The following YJU2 variants were observed in gnomAD, a reference collection of about 807,000 sequenced individuals.
YJU2 encodes YJU2 splicing factor homolog.
In YJU2, 28 loss-of-function variants were observed where a neutral mutation model predicts 39.6. The ratio of observed to expected loss-of-function variants is 0.71; its 90% CI spans 0.52 to 0.97. The LOEUF is 0.97. Among genes scored for constraint, YJU2 ranks in the 50% least tolerant of loss-of-function variants. The probability of loss-of-function intolerance (pLI) is 0.00; values close to 1 mark genes in which losing one functional copy is unlikely to be tolerated. For synonymous variants in YJU2, 184 were observed against 182.4 expected (o/e 1.01, Z -0.07); for missense variants, 328 against 430.4 (o/e 0.76, Z 2.11).
intron 6 of YJU2, among the ~76,000 whole-genome samples, chr19:4,266,035 C>T (rs1290486506): frequency 6.7e-6 from 1 of 150,326 alleles, no homozygotes; most frequent in Non-Finnish European, 1.5e-5. Context: ...CTCACTGCAA[C>T]CTCTGCCTCC....
intron 1 of YJU2, among the ~76,000 whole-genome samples, chr19:4,247,639 GT>G (rs1568359636): frequency 0.049 from 3,280 of 66,668 alleles, 663 homozygotes; most frequent in African/African-American, 0.069. Context: ...GTGTGTGTGT[GT>G]GTGTGTGTGT....
chr19:4,249,081 TGAGTCCTGC>T (rs1970954312), intron 1 of YJU2, 138 bp from the exon 2 acceptor site: 1 of 609,294 alleles, frequency 1.6e-6, no homozygotes, highest in Admixed American at 2.8e-5. Flanking sequence ...CTGACTGTAC[TGAGTCCTGC>T]GAGTCCTCCC....
Position 4,251,032 on chromosome 19 carries a change from A to G in YJU2, c.131A>G (p.Lys44Arg). 3 of 1,614,134 alleles carry G rather than the reference A, an allele frequency of 1.9e-6. No homozygotes were observed. The highest frequency in any genetic ancestry group is 2.5e-6 in the Non-Finnish European group (3 of 1,179,996). The change falls in exon 3 of 8, where the codon AAG (lysine) becomes AGG (arginine). Residue 44 changes from lysine to arginine, a missense_variant. Transcript: ENST00000262962. ...CCCTACATGCTGCCCCGCAGGTGTA[A>G]GACGTGCGGAGAATACATCTACAAG... ...RLMAPFNMRC[K>R]TCGEYIYKGK...
intron 3 of YJU2, 106 bp downstream of exon 3, chr19:4,251,277 A>AT: frequency 9.8e-7 from 1 of 1,023,484 alleles, no homozygotes; most frequent in African/African-American, 1.6e-5. Flanking sequence ...AGGGAATCTC[A>AT]TTTCAGTTTA....
chr19:4,259,135 G>T (rs1458261525), intron 5 of YJU2, among the ~76,000 whole-genome samples: 9 of 139,890 alleles, frequency 6.4e-5, no homozygotes, highest in Non-Finnish European at 9.3e-5. Context: ...CAGGCTGGAG[G>T]GCAGTGGCGC....
intron 1 of YJU2, 75 bp downstream of exon 1, chr19:4,247,245 G>A (rs1006551045): frequency 7.4e-7 from 1 of 1,350,450 alleles, no homozygotes; most frequent in Non-Finnish European, 1.0e-6. Context: ...GGAGCTTCCT[G>A]AGATCTCTTC....
chr19:4,253,275 A>C (rs1430108024), intron 3 of YJU2, among the ~76,000 whole-genome samples: 1 of 151,510 alleles, frequency 6.6e-6, no homozygotes, highest in East Asian at 2.0e-4. Flanking sequence ...GTGGAATGTT[A>C]CCATTAACAT....
chr19:4,268,621 C>A lies in YJU2; in HGVS notation c.897C>A (p.Pro299=). The change falls in exon 8 of 8, where the codon CCC becomes CCA. Residue 299 remains proline, a synonymous_variant. Coordinates refer to ENST00000262962, the MANE Select transcript of YJU2 (RefSeq NM_018074.6). Reference sequence around the variant, plus strand: ...ACAGGAAGGAGGCCAACCCTACACCCCTGACGCCTGGCGCGTCCTCCCTGA... The same window carrying A: ...ACAGGAAGGAGGCCAACCCTACACCACTGACGCCTGGCGCGTCCTCCCTGA... ...PQNRKEANPT[P]LTPGASSLSQ... The A allele has an allele frequency of 3.1e-6, 5 of 1,613,622 alleles. No individual in the cohort carries two copies. Among genetic ancestry groups the A allele is most frequent in the Non-Finnish European group, 4.2e-6 (5 of 1,179,754 alleles).
intron 1 of YJU2, 120 bp from the exon 2 acceptor site, chr19:4,249,108 C>T (rs796462625): frequency 1.9e-5 from 12 of 638,868 alleles, no homozygotes; most frequent in African/African-American, 9.1e-5. Flanking sequence ...CCCTGCCTGT[C>T]GCGGAACCTG....
intron 1 of YJU2, among the ~76,000 whole-genome samples, chr19:4,247,589 GT>G (rs1454012083): frequency 0.014 from 96 of 7,046 alleles, 13 homozygotes; most frequent in Non-Finnish European, 0.016. Flanking sequence ...GCGCGTGTGT[GT>G]GTGTGTGTGT....
intron 7 of YJU2, 54 bp from the exon 8 acceptor site, chr19:4,268,530 C>T: frequency 3.7e-6 from 5 of 1,335,650 alleles, no homozygotes; most frequent in Non-Finnish European, 5.3e-6. Context: ...CGTGCCTTGT[C>T]CCTGGCCTGT....
intron 5 of YJU2, 65 bp downstream of exon 5, chr19:4,258,488 G>A: frequency 6.6e-7 from 1 of 1,516,118 alleles, no homozygotes. Flanking sequence ...CGCTGCCTCT[G>A]CCCCAGACCC....
At chr19:4,259,837 T>G (rs553715418) in intron 5 of YJU2, among the ~76,000 whole-genome samples, 1 of 152,158 alleles carries the variant, frequency 6.6e-6, no homozygotes, top group Admixed American at 6.6e-5. Context: ...TAGGTTCTGG[T>G]AGGTTCCACG....
Position 4,268,730 on chromosome 19 carries a change from A to G in YJU2, c.*34A>G. On this transcript the variant is annotated 3_prime_UTR_variant, in exon 8 of 8. Transcript: ENST00000262962. ...AGGACCCCCTCACGGGGTCAAAGTC[A>G]CACGTCCAGCTTCAGCCACATTGAG... 6.8e-7 allele frequency: 1 copy of G among 1,473,334 alleles called. No homozygotes were observed. Among genetic ancestry groups the G allele is most frequent in the Non-Finnish European group, 9.4e-7 (1 of 1,061,414 alleles). 91.3% of individuals were successfully genotyped at this position (1,473,334 alleles called of 1,614,324 possible).
intron 6 of YJU2, among the ~76,000 whole-genome samples, chr19:4,266,745 G>T (rs192218307): frequency 6.6e-6 from 1 of 152,174 alleles, no homozygotes; most frequent in East Asian, 1.9e-4. Flanking sequence ...TCTTTGGGAC[G>T]CTGAGACGGG....
intron 3 of YJU2, among the ~76,000 whole-genome samples, chr19:4,253,037 C>T (rs1409287535): frequency 6.6e-6 from 1 of 152,008 alleles, no homozygotes; most frequent in Non-Finnish European, 1.5e-5. Flanking sequence ...CGAATATTAG[C>T]ATCTTATATA....
intron 6 of YJU2, among the ~76,000 whole-genome samples, chr19:4,265,681 C>T (rs1451861235): frequency 6.6e-6 from 1 of 151,726 alleles, no homozygotes; most frequent in Non-Finnish European, 1.5e-5. Flanking sequence ...CTCCGGCTCC[C>T]AGCCTGTAGC....
chr19:4,259,685 T>C (rs944771657), intron 5 of YJU2, among the ~76,000 whole-genome samples: 1 of 152,046 alleles, frequency 6.6e-6, no homozygotes, highest in Non-Finnish European at 1.5e-5. Flanking sequence ...GGCTGGTGAA[T>C]GCCTTTGACG....
intron 4 of YJU2, among the ~76,000 whole-genome samples, chr19:4,256,993 A>T (rs1207478744): frequency 3.9e-5 from 6 of 152,150 alleles, no homozygotes; most frequent in Non-Finnish European, 7.3e-5. Flanking sequence ...CCACCCCTTA[A>T]ATGGAGGAGC....
Sources: gnomAD v4.1 joint callset for allele counts (sites outside exome capture counted in the v4.1 genomes callset) on GRCh38, gnomAD v4.1.1 for gene constraint, MANE v1.5 for transcripts, NCBI Gene and HGNC (gene_info 2026-07-23, HGNC 2026-07-21) for gene names.